The following TBX15 variants were observed in gnomAD, a reference collection of about 807,000 sequenced individuals.
TBX15 encodes T-box transcription factor 15.
A neutral mutation model predicts 53.9 loss-of-function variants in TBX15; 18 were observed. The ratio of observed to expected loss-of-function variants is 0.33; its 90% CI spans 0.23 to 0.49. The LOEUF is 0.49. TBX15 is among the 20% of genes least tolerant of loss of function. TBX15 has a pLI of 0.98. For missense variants in TBX15, 692 were observed against 749.5 expected (o/e 0.92, Z 0.90); for synonymous variants, 295 against 278.0 (o/e 1.06, Z -0.61).
rs1653906520 is a variant in TBX15, at chr1:118,885,458, A to G, written c.1083T>C (p.Ala361=). The change falls in exon 8 of 8, where the codon GCT becomes GCC. Residue 361 remains alanine (A), a synonymous_variant. Coordinates refer to ENST00000369429, the MANE Select transcript of TBX15 (RefSeq NM_001330677.2). The part of the protein sequence containing the change: ...TSSTGTPSPS[A]SSHLLSPSCS... ...AGGATGGAGATAAAAGATGAGAAGAAGCCGAAGGGGATGGTGTCCCAGTGC... is the reference window on the plus strand; with the variant it reads ...AGGATGGAGATAAAAGATGAGAAGAGGCCGAAGGGGATGGTGTCCCAGTGC... 2.5e-6 allele frequency: 4 copies of G among 1,608,986 alleles called. No homozygotes were observed. Among genetic ancestry groups the G allele is most frequent in the Non-Finnish European group, 3.4e-6 (4 of 1,177,308 alleles).
intron 3 of TBX15, 90 bp downstream of exon 3, chr1:118,926,420 C>A: frequency 9.1e-7 from 1 of 1,097,604 alleles, no homozygotes. Context: ...GTACAGCATG[C>A]ATTGCTAAAC....
chr1:118,989,004 CG>C (rs1477107518), upstream of TBX15, among the ~76,000 whole-genome samples: 1 of 152,154 alleles, frequency 6.6e-6, no homozygotes, highest in Non-Finnish European at 1.5e-5. Flanking sequence ...CGGCGGAGCG[CG>C]GGGTTTAGGG....
intron 6 of TBX15, among the ~76,000 whole-genome samples, chr1:118,909,620 T>C (rs998787601): frequency 6.6e-6 from 1 of 152,228 alleles, no homozygotes; most frequent in Non-Finnish European, 1.5e-5. Flanking sequence ...TCTCGCTCCG[T>C]TGCCCAGGCT....
chr1:118,966,246 G>A (rs1028365903), intron 1 of TBX15, among the ~76,000 whole-genome samples: 2 of 152,142 alleles, frequency 1.3e-5, no homozygotes, highest in Admixed American at 6.5e-5. Context: ...AGTCTTTCAG[G>A]GAAAACTGGA....
At chr1:118,917,073 A>T (rs1655262588) in intron 5 of TBX15, among the ~76,000 whole-genome samples, 1 of 152,180 alleles carries the variant, frequency 6.6e-6, no homozygotes, top group South Asian at 2.1e-4. Context: ...TACTGGATAT[A>T]TACCCAAATA....
intron 1 of TBX15, among the ~76,000 whole-genome samples, chr1:118,964,043 C>A (rs1377644177): frequency 6.6e-6 from 1 of 152,192 alleles, no homozygotes; most frequent in Non-Finnish European, 1.5e-5. Context: ...TTTAAGCCAC[C>A]CCAGCTGAGG....
At chr1:118,970,830 A>G (rs999301550) in intron 1 of TBX15, among the ~76,000 whole-genome samples, 4 of 152,146 alleles carry the variant, frequency 2.6e-5, no homozygotes, top group Non-Finnish European at 2.9e-5. Flanking sequence ...CTTCCCTGGT[A>G]CCATGTGGCT....
At chr1:118,919,914 AAAAT>A (rs1557884173) in intron 5 of TBX15, among the ~76,000 whole-genome samples, 2 of 152,192 alleles carry the variant, frequency 1.3e-5, no homozygotes, top group African/African-American at 2.4e-5. Context: ...AAGACAAAAT[AAAAT>A]AGTCTATTAA....
At chr1:118,898,384 A>C (rs910287997) in intron 7 of TBX15, among the ~76,000 whole-genome samples, 2 of 152,192 alleles carry the variant, frequency 1.3e-5, no homozygotes, top group African/African-American at 4.8e-5. Context: ...AATTTGAAAT[A>C]AGTCACAACC....
intron 2 of TBX15, among the ~76,000 whole-genome samples, chr1:118,927,543 T>G (rs1397700758): frequency 6.6e-6 from 1 of 152,144 alleles, no homozygotes; most frequent in Non-Finnish European, 1.5e-5. Flanking sequence ...TTTCTGCAAG[T>G]TCTCAGGCTG....
At position 118,883,132 on chromosome 1, in the gene TBX15, C is replaced by T. The variant is rs933848054; in HGVS notation, c.*1600G>A. ...TGCATAAGGGCAAATTTTTGTACAC[C>T]TTTTCTTCATACATATTTTACATAC... On this transcript the variant is annotated 3_prime_UTR_variant, in exon 8 of 8. Coordinates refer to ENST00000369429, the MANE Select transcript of TBX15 (RefSeq NM_001330677.2). The T allele has an allele frequency of 4.6e-4, 70 of 152,658 alleles. 1 individual carries two copies. Among genetic ancestry groups the T allele is most frequent in the African/African-American group, 1.7e-3 (70 of 41,540 alleles). 9.5% of individuals were successfully genotyped at this position (152,658 alleles called of 1,614,324 possible).
chr1:118,961,182 G>A (rs1339465008), intron 1 of TBX15, among the ~76,000 whole-genome samples: 1 of 152,154 alleles, frequency 6.6e-6, no homozygotes, highest in Non-Finnish European at 1.5e-5. Flanking sequence ...CAGGCTCTGT[G>A]CCCCATACTC....
chr1:118,940,094 C>T (rs536222585), intron 1 of TBX15, among the ~76,000 whole-genome samples: 4 of 151,876 alleles, frequency 2.6e-5, no homozygotes, highest in Non-Finnish European at 5.9e-5. Context: ...GAGCTGTGCA[C>T]ATCCTACTCT....
At chr1:118,988,804 C>A (rs185662670), upstream of TBX15, among the ~76,000 whole-genome samples, 1 of 152,346 alleles carries the variant, frequency 6.6e-6, no homozygotes, top group African/African-American at 2.4e-5. Flanking sequence ...TTTCGCCACA[C>A]AGGTTTTAAT....
chr1:118,897,824 G>C (rs1036917975), intron 7 of TBX15, among the ~76,000 whole-genome samples: 11 of 152,146 alleles, frequency 7.2e-5, no homozygotes, highest in African/African-American at 2.7e-4. Flanking sequence ...ATATATAAAA[G>C]AGATGGAAAT....
intron 7 of TBX15, among the ~76,000 whole-genome samples, chr1:118,893,485 GGAAAGAAAGAAAGAAA>G (rs55891659): frequency 8.9e-4 from 64 of 72,122 alleles, no homozygotes; most frequent in African/African-American, 1.8e-3. Context: ...AAGGAAGGAA[GGAAAGAAAGAAAGAAA>G]GAAAGAAAGA....
At chr1:118,924,428 A>AAACAC (rs1270073344) in intron 4 of TBX15, among the ~76,000 whole-genome samples, 1 of 152,230 alleles carries the variant, frequency 6.6e-6, no homozygotes, top group Non-Finnish European at 1.5e-5. Flanking sequence ...TTTGTCTGGT[A>AAACAC]AACACAACTT....
chr1:118,899,334 G>T (rs906272836), intron 6 of TBX15, among the ~76,000 whole-genome samples: 19 of 152,272 alleles, frequency 1.2e-4, no homozygotes, highest in Admixed American at 5.9e-4. Context: ...CAGATCATTT[G>T]CAAGCAAATC....
upstream of TBX15, among the ~76,000 whole-genome samples, chr1:118,988,707 T>G (rs947296001): frequency 6.6e-6 from 1 of 152,240 alleles, no homozygotes; most frequent in African/African-American, 2.4e-5. Context: ...TCTGACAAAA[T>G]GTTAACCTGT....
Sources: gnomAD v4.1 joint callset for allele counts (sites outside exome capture counted in the v4.1 genomes callset) on GRCh38, gnomAD v4.1.1 for gene constraint, MANE v1.5 for transcripts, NCBI Gene and HGNC (gene_info 2026-07-23, HGNC 2026-07-21) for gene names.